Variants in SEMA3C observed in about 807,000 individuals in gnomAD.
The protein encoded by SEMA3C is semaphorin 3C.
In SEMA3C, 47 loss-of-function variants were observed where a neutral mutation model predicts 89.4. The ratio of observed to expected loss-of-function variants is 0.53; its 90% CI spans 0.42 to 0.67. SEMA3C has a LOEUF of 0.67. Among genes scored for constraint, SEMA3C ranks in the 30% least tolerant of loss-of-function variants. The pLI, the probability that SEMA3C is intolerant of heterozygous loss-of-function variation, is 0.00. For missense variants in SEMA3C, 839 were observed against 929.1 expected, an observed-to-expected ratio of 0.90 and a Z score of 1.26; for synonymous variants, 310 against 320.2, an observed-to-expected ratio of 0.97 and a Z score of 0.34.
Position 80,818,287 on chromosome 7 carries a change from A to C in SEMA3C, c.447+12T>G, listed in dbSNP as rs982501100. 1 of 1,584,698 alleles carries C rather than the reference A, an allele frequency of 6.3e-7. No individual in the cohort carries two copies. ...AATATCAAAACTAAGAATGTTAAAT[A>C]GTTATACTTACCTCTGATCTCCTCC... is the stretch of plus-strand genomic sequence containing the variant. On this transcript the variant is annotated intron_variant, in intron 5 of 17. Coordinates refer to ENST00000265361, the MANE Select transcript of SEMA3C (RefSeq NM_006379.5).
Position 80,918,872 on chromosome 7 carries a change from C to G in SEMA3C, c.-83G>C, listed in dbSNP as rs929610690. On this transcript the variant is annotated 5_prime_UTR_variant, in exon 1 of 18. Coordinates refer to ENST00000265361, the MANE Select transcript of SEMA3C (RefSeq NM_006379.5). Reference sequence around the variant, plus strand: ...CACGGAAAAGTCATCAGTTTGCTACCGGGGTTGGATGCGCTTGTGTCTCCA... The same window carrying G: ...CACGGAAAAGTCATCAGTTTGCTACGGGGGTTGGATGCGCTTGTGTCTCCA... 1.0e-6 allele frequency: 1 copy of G among 985,320 alleles called. No individual in the cohort carries two copies. Among genetic ancestry groups the G allele is most frequent in the African/African-American group, 1.7e-5 (1 of 57,234 alleles). 61.0% of individuals were successfully genotyped at this position (985,320 alleles called of 1,614,324 possible).
chr7:80,856,766 T>C (rs1457026278), intron 2 of SEMA3C, among the ~76,000 whole-genome samples: 1 of 152,148 alleles, frequency 6.6e-6, no homozygotes, highest in African/African-American at 2.4e-5. Context: ...GCTGATGAGC[T>C]AGGCTGAAAA....
rs373534501 is a variant in SEMA3C at position 80,888,271 on chromosome 7, G to A, written c.103+28408C>T. Among the ~76,000 whole-genome samples the A allele has an allele frequency of 2.6e-3, 396 of 151,694 alleles. 2 individuals carry two copies. The highest frequency in any genetic ancestry group is 8.8e-3 in the African/African-American group (365 of 41,336). ...CTACAAAAAATACAAAAAACTAGCC[G>A]GGCATGGTGGAGTGTGCCTGTAGTC... On this transcript the variant is annotated intron_variant, in intron 2 of 17. Coordinates refer to ENST00000265361, the MANE Select transcript of SEMA3C (RefSeq NM_006379.5).
At chr7:80,840,848 G>A (rs17228306) in intron 2 of SEMA3C, among the ~76,000 whole-genome samples, 1 of 152,112 alleles carries the variant, frequency 6.6e-6, no homozygotes, top group Admixed American at 6.6e-5. Flanking sequence ...GTAAAAGGGA[G>A]GGTAAGTGTT....
At chr7:80,787,175 C>T (rs941935213) in intron 12 of SEMA3C, among the ~76,000 whole-genome samples, 55 of 151,946 alleles carry the variant, frequency 3.6e-4, no homozygotes, top group African/African-American at 1.2e-3. Flanking sequence ...GGGTGGATCA[C>T]GTGATCAAGA....
rs540487197 is a variant in SEMA3C at position 80,855,494 on chromosome 7, TCTTGAATTCAAGCAATCCTCCTGC to T, written c.104-26773_104-26750del. 5.9e-5 allele frequency among the ~76,000 whole-genome samples: 9 copies of T among 152,190 alleles called. No homozygotes were observed. In the East Asian group the frequency reaches 1.7e-3, roughly 29 times the overall value. ...TATGTTGCCCAGGCTGGTCTAGAACTCTTGAATTCAAGCAATCCTCCTGCCTTGGCCTCCCACAGCACTGGGATT... is the reference window on the plus strand; with the variant it reads ...TATGTTGCCCAGGCTGGTCTAGAACTCTTGGCCTCCCACAGCACTGGGATT... On this transcript the variant is annotated intron_variant, in intron 2 of 17. Coordinates refer to ENST00000265361, the MANE Select transcript of SEMA3C (RefSeq NM_006379.5).
intron 16 of SEMA3C, among the ~76,000 whole-genome samples, chr7:80,749,248 G>T (rs1463598325): frequency 6.6e-6 from 1 of 152,134 alleles, no homozygotes; most frequent in African/African-American, 2.4e-5. Context: ...GTGAATTAAG[G>T]CAATGTTGAT....
At chr7:80,749,158 A>G in intron 16 of SEMA3C, 130 bp from the exon 17 acceptor site, 1 of 934,912 alleles carries the variant, frequency 1.1e-6, no homozygotes, top group Non-Finnish European at 1.5e-6. Flanking sequence ...GCAGCCAGCA[A>G]AAAACAGTGG....
intron 5 of SEMA3C, among the ~76,000 whole-genome samples, chr7:80,816,972 A>C (rs1040592656): frequency 3.3e-5 from 5 of 152,212 alleles, no homozygotes; most frequent in African/African-American, 1.2e-4. Context: ...CTGTACAGTG[A>C]CTGCACAGAC....
chr7:80,850,192 C>G (rs944825064), intron 2 of SEMA3C, among the ~76,000 whole-genome samples: 1 of 152,080 alleles, frequency 6.6e-6, no homozygotes, highest in African/African-American at 2.4e-5. Flanking sequence ...TTATCATATA[C>G]TTTTGGAAGG....
chr7:80,775,812 T>C (rs2117081923), intron 12 of SEMA3C, among the ~76,000 whole-genome samples: 1 of 152,280 alleles, frequency 6.6e-6, no homozygotes, highest in Admixed American at 6.5e-5. Flanking sequence ...CCTTTTCCTA[T>C]TCAAATACTT....
At position 80,814,169 on chromosome 7, in the gene SEMA3C, C is replaced by T. The variant is rs566614804; in HGVS notation, c.448-3468G>A. On this transcript the variant is annotated intron_variant, in intron 5 of 17. Transcript: ENST00000265361. ...AGTGGCCACGATCTCAGCTCACTGG[C>T]GAGCTCCGCCTCCCGGGTTCACGCC... Among the ~76,000 whole-genome samples, 11 of 151,130 alleles carry T rather than the reference C, an allele frequency of 7.3e-5. No individual in the cohort carries two copies. The East Asian group carries it at 9.8e-4, about 13-fold the overall frequency.
intron 11 of SEMA3C, 111 bp downstream of exon 11, chr7:80,797,981 G>A (rs1789106719): frequency 1.3e-5 from 14 of 1,054,906 alleles, no homozygotes; most frequent in South Asian, 3.2e-5. Context: ...CTGGGCAACA[G>A]AGTGAGACTC....
intron 12 of SEMA3C, among the ~76,000 whole-genome samples, chr7:80,777,936 T>TGAC (rs1788588735): frequency 6.6e-6 from 1 of 152,216 alleles, no homozygotes; most frequent in Non-Finnish European, 1.5e-5. Flanking sequence ...TTTTAAGATG[T>TGAC]GACTTCATAC....
At chr7:80,746,312 T>C (rs981446068) in intron 17 of SEMA3C, among the ~76,000 whole-genome samples, 7 of 151,948 alleles carry the variant, frequency 4.6e-5, no homozygotes, top group Non-Finnish European at 1.0e-4. Context: ...TAAAAGATAA[T>C]AGAACAGAAC....
intron 2 of SEMA3C, among the ~76,000 whole-genome samples, chr7:80,910,654 CTT>C (rs777385675): frequency 3.5e-4 from 46 of 130,956 alleles, no homozygotes; most frequent in Non-Finnish European, 2.8e-4. Flanking sequence ...AATGCTCGTT[CTT>C]TTTTTTTTTT....
intron 12 of SEMA3C, among the ~76,000 whole-genome samples, chr7:80,775,719 C>G: frequency 6.6e-6 from 1 of 152,022 alleles, no homozygotes; most frequent in Non-Finnish European, 1.5e-5. Context: ...TTCTGTTTCA[C>G]TGCAGAAATA....
At chr7:80,865,359 A>T (rs1048916705) in intron 2 of SEMA3C, among the ~76,000 whole-genome samples, 2 of 152,066 alleles carry the variant, frequency 1.3e-5, no homozygotes, top group Admixed American at 1.3e-4. Flanking sequence ...CCTCCATGAC[A>T]CCCCTAAATG....
chr7:80,836,308 G>C (rs932130147), intron 2 of SEMA3C, among the ~76,000 whole-genome samples: 7 of 152,148 alleles, frequency 4.6e-5, no homozygotes, highest in Non-Finnish European at 8.8e-5. Context: ...AGGCATGATG[G>C]GATAAATGGA....
Sources: gnomAD v4.1 joint callset for allele counts (sites outside exome capture counted in the v4.1 genomes callset) on GRCh38, gnomAD v4.1.1 for gene constraint, MANE v1.5 for transcripts, NCBI Gene and HGNC (gene_info 2026-07-23, HGNC 2026-07-21) for gene names.